The following RBFOX3 variants were observed in gnomAD, a reference collection of about 807,000 sequenced individuals.
The protein encoded by RBFOX3 is RNA binding fox-1 homolog 3.
In RBFOX3, 17 loss-of-function variants were observed where a neutral mutation model predicts 48.7. The observed-to-expected ratio is 0.35, with a 90% CI of 0.24 to 0.52. The LOEUF (loss-of-function observed/expected upper bound fraction) is 0.52, where lower values mean the gene tolerates loss of function less well. Among genes scored for constraint, RBFOX3 ranks in the 20% least tolerant of loss-of-function variants. The probability of loss-of-function intolerance (pLI) is 0.94; values close to 1 mark genes in which losing one functional copy is unlikely to be tolerated. For missense variants in RBFOX3, 382 were observed against 497.5 expected, an observed-to-expected ratio of 0.77 and a Z score of 2.21; for synonymous variants, 212 against 209.5, an observed-to-expected ratio of 1.01 and a Z score of -0.10.
At chr17:79,326,743 C>G (rs1380000283) in intron 2 of RBFOX3, among the ~76,000 whole-genome samples, 1 of 152,198 alleles carries the variant, frequency 6.6e-6, no homozygotes, top group Non-Finnish European at 1.5e-5. Flanking sequence ...CTCCCACCCT[C>G]TAATGTGGCC....
intron 2 of RBFOX3, among the ~76,000 whole-genome samples, chr17:79,312,234 T>C (rs35915241): frequency 0.016 from 2,185 of 137,118 alleles, 22 homozygotes; most frequent in Middle Eastern, 0.044. Flanking sequence ...AGAAGAGGGC[T>C]GGGAAGAAAA....
rs2089380747 is a variant in RBFOX3, at chr17:79,539,650, G to C, written c.-319-57052C>G. The stretch of plus-strand genomic sequence containing the variant: ...TTGGAGGTCAGAGGTCGCCCCAGGA[G>C]AGTTGGATTTGGGGAAGGAGGTCCC... On this transcript the variant is annotated intron_variant, in intron 1 of 14. Transcript: ENST00000693108. Among the ~76,000 whole-genome samples, 7 of 152,276 alleles carry C rather than the reference G, an allele frequency of 4.6e-5. No individual in the cohort carries two copies. In the South Asian group the frequency reaches 1.0e-3, roughly 23 times the overall value.
At position 79,094,548 on chromosome 17, in the gene RBFOX3, G is replaced by A. The variant is rs2074742345; in HGVS notation, c.999-19C>T. ...GCCGTAACTAGGGAAGAGCGTGGGA[G>A]GGGGAGTGGGAGGAGGGTGGGGGAG... On this transcript the variant is annotated intron_variant, in intron 13 of 14. Coordinates refer to ENST00000693108, the MANE Select transcript of RBFOX3 (RefSeq NM_001350451.2). The A allele has an allele frequency of 3.2e-6, 4 of 1,240,822 alleles. No individual in the cohort carries two copies. The highest frequency in any genetic ancestry group is 4.3e-6 in the Non-Finnish European group (4 of 937,556). 76.9% of individuals were successfully genotyped at this position (1,240,822 alleles called of 1,614,324 possible). A position where few individuals can be genotyped will look rare whatever the true frequency, so the allele number is the denominator to read the frequency against.
At chr17:79,175,504 G>T (rs1445090582) in intron 4 of RBFOX3, among the ~76,000 whole-genome samples, 3 of 152,372 alleles carry the variant, frequency 2.0e-5, no homozygotes, top group African/African-American at 7.2e-5. Flanking sequence ...GGTGACTGGG[G>T]TCCTTTCCCG....
In RBFOX3 at chr17:79,477,403, A is replaced by T. The variant is rs1292824656; in HGVS notation, c.-175+5051T>A. ...AACCCCGTCTCTACTAAAAATACAA[A>T]ACATTAGCCAGACGTGGTGGCGGGC... On this transcript the variant is annotated intron_variant, in intron 2 of 14. Coordinates refer to ENST00000693108, the MANE Select transcript of RBFOX3 (RefSeq NM_001350451.2). This position sits in a 1 kb window ranked among gnomAD's most constrained non-coding sequence, Gnocchi z 4.8. 6.6e-6 allele frequency among the ~76,000 whole-genome samples: 1 copy of T among 151,460 alleles called. No homozygotes were observed. The highest frequency in any genetic ancestry group is 1.5e-5 in the Non-Finnish European group (1 of 67,868).
At chr17:79,470,759 T>C (rs1166687571) in intron 2 of RBFOX3, among the ~76,000 whole-genome samples, 3 of 152,244 alleles carry the variant, frequency 2.0e-5, no homozygotes, top group East Asian at 1.9e-4. Flanking sequence ...ATGTAAGATG[T>C]GCTTGAAGTT....
the RBFOX3 span, among the ~76,000 whole-genome samples, chr17:79,648,320 G>A: frequency 6.6e-6 from 1 of 152,152 alleles, no homozygotes; most frequent in Non-Finnish European, 1.5e-5. Flanking sequence ...GCTTAGCTTA[G>A]GCTGCACAGT....
intron 1 of RBFOX3, among the ~76,000 whole-genome samples, chr17:79,532,363 G>A (rs1388366339): frequency 1.3e-5 from 2 of 152,208 alleles, no homozygotes; most frequent in Non-Finnish European, 2.9e-5. Flanking sequence ...TGGGGCCCAG[G>A]TGAGCCCATT....
At position 79,214,703 on chromosome 17, in the gene RBFOX3, G is replaced by C. The variant is rs192568177; in HGVS notation, c.-34+21063C>G. On this transcript the variant is annotated intron_variant, in intron 4 of 14. Coordinates refer to ENST00000693108, the MANE Select transcript of RBFOX3 (RefSeq NM_001350451.2). This position sits in a 1 kb window ranked among gnomAD's most constrained non-coding sequence, Gnocchi z 4.7. ...GAGGGTGGCCATCTGGGAAGCCCAGGAGGGGAGGCTGGAGGCCCAGGGGCC... is the reference window on the plus strand; with the variant it reads ...GAGGGTGGCCATCTGGGAAGCCCAGCAGGGGAGGCTGGAGGCCCAGGGGCC... Among the ~76,000 whole-genome samples the C allele has an allele frequency of 6.6e-6, 1 of 152,050 alleles. No homozygotes were observed. The highest frequency in any genetic ancestry group is 1.5e-5 in the Non-Finnish European group (1 of 67,984).
chr17:79,118,290 G>A (rs1159027297), intron 4 of RBFOX3, among the ~76,000 whole-genome samples: 3 of 152,214 alleles, frequency 2.0e-5, no homozygotes, highest in Admixed American at 6.5e-5. Context: ...AAGCTCCTCA[G>A]CCACGGGAGG....
chr17:79,649,609 C>A, the RBFOX3 span, among the ~76,000 whole-genome samples: 2 of 152,106 alleles, frequency 1.3e-5, no homozygotes, highest in African/African-American at 4.8e-5. Context: ...GGGAGGCTGA[C>A]GCAGGAGAAT....
At chr17:79,462,989 A>C (rs554512030) in intron 2 of RBFOX3, among the ~76,000 whole-genome samples, 177 of 151,100 alleles carry the variant, frequency 1.2e-3, no homozygotes, top group Non-Finnish European at 1.8e-3. Context: ...CACCATCGCC[A>C]CTGCCACTGC....
chr17:79,374,082 C>T lies in RBFOX3; in HGVS notation c.-174-66258G>A, dbSNP rs367686590. Among the ~76,000 whole-genome samples, 194 of 152,236 alleles carry T rather than the reference C, an allele frequency of 1.3e-3. 3 individuals carry two copies. In the Middle Eastern group the frequency reaches 0.031, roughly 24 times the overall value. ...TTCGCCATGTTGGCCAGGCTGGTCT[C>T]GCACTCCTGACCTCAGGTGATCCAC... On this transcript the variant is annotated intron_variant, in intron 2 of 14. Coordinates refer to ENST00000693108, the MANE Select transcript of RBFOX3 (RefSeq NM_001350451.2).
chr17:79,157,005 C>G (rs1055813183), intron 4 of RBFOX3, among the ~76,000 whole-genome samples: 4 of 152,202 alleles, frequency 2.6e-5, no homozygotes, highest in Admixed American at 2.6e-4. Flanking sequence ...TGCAGCCTCC[C>G]TGGCCAGAGC....
intron 4 of RBFOX3, among the ~76,000 whole-genome samples, chr17:79,134,159 T>C (rs1270009460): frequency 6.6e-6 from 1 of 152,204 alleles, no homozygotes; most frequent in African/African-American, 2.4e-5. Context: ...CACGGTGCCC[T>C]GGGGCTTCCA....
At chr17:79,662,084 AT>A in the RBFOX3 span, among the ~76,000 whole-genome samples, 120,398 of 143,804 alleles carry the variant, frequency 0.84, 51,479 homozygotes, top group Non-Finnish European at 0.93. Flanking sequence ...TAGAAGACAG[AT>A]TTTTTTTTGA....
At position 79,243,699 on chromosome 17, in the gene RBFOX3, C is replaced by T. The variant is rs971444870; in HGVS notation, c.-73-7894G>A. 4.6e-5 allele frequency among the ~76,000 whole-genome samples: 7 copies of T among 152,160 alleles called. No homozygotes were observed. The highest frequency in any genetic ancestry group is 1.4e-4 in the African/African-American group (6 of 41,432). ...ACCCCTGAGCACCCTTGACAACACC[C>T]AAGCTGTGCCACAGACACCATAGTG... On this transcript the variant is annotated intron_variant, in intron 3 of 14. Transcript: ENST00000693108. The surrounding 1 kb of genome is among the most constrained non-coding windows in gnomAD (Gnocchi z 7.9).
At chr17:79,515,285 G>A (rs972639596) in intron 1 of RBFOX3, among the ~76,000 whole-genome samples, 15 of 152,154 alleles carry the variant, frequency 9.9e-5, no homozygotes, top group Non-Finnish European at 2.1e-4. Context: ...CATAGCTGGG[G>A]CCCCTGGGGG....
intron 1 of RBFOX3, among the ~76,000 whole-genome samples, chr17:79,567,924 C>T (rs2092528117): frequency 1.3e-5 from 2 of 152,218 alleles, no homozygotes; most frequent in African/African-American, 2.4e-5. Flanking sequence ...ACCTGCCTGA[C>T]CTTTACCTCT....
Sources: allele counts gnomAD v4.1 joint callset (sites outside exome capture counted in the v4.1 genomes callset), GRCh38; gene constraint gnomAD v4.1.1; non-coding constraint Gnocchi (gnomAD v3.1); transcripts MANE v1.5; gene names NCBI Gene and HGNC (gene_info 2026-07-23, HGNC 2026-07-21).